SCAMP1: variants seen among roughly 807,000 people sequenced by gnomAD.
SCAMP1 encodes the protein secretory carrier-associated membrane protein 1.
In SCAMP1, 15 loss-of-function variants were observed where a neutral mutation model predicts 41.8. The ratio of observed to expected loss-of-function variants is 0.36; its 90% confidence interval spans 0.24 to 0.55. The LOEUF is 0.55. Ranked by LOEUF, SCAMP1 falls within the 20% of genes least tolerant of loss-of-function variation. The pLI, the probability that SCAMP1 is intolerant of heterozygous loss-of-function variation, is 0.86. For missense variants in SCAMP1, 341 were observed against 412.6 expected, an observed-to-expected ratio of 0.83 and a Z score of 1.50; for synonymous variants, 135 against 136.8, an observed-to-expected ratio of 0.99 and a Z score of 0.09.
At position 78,466,756 on chromosome 5, in the gene SCAMP1, T is replaced by C. The variant is rs146694219; in HGVS notation, c.852+7394T>C. Among the ~76,000 whole-genome samples, 82 of 152,284 alleles carry C rather than the reference T, an allele frequency of 5.4e-4. No individual in the cohort carries two copies. In the East Asian group the frequency reaches 0.015, roughly 28 times the overall value. On this transcript the variant is annotated intron_variant, in intron 8 of 8. Coordinates refer to ENST00000621999, the MANE Select transcript of SCAMP1 (RefSeq NM_004866.6). Reference sequence around the variant, plus strand: ...AGTAATTGAATTGATTAGATTTGAATTTTAGAAGCATTTATTCTGAAATAC... The same window carrying C: ...AGTAATTGAATTGATTAGATTTGAACTTTAGAAGCATTTATTCTGAAATAC...
At chr5:78,452,374 T>G in intron 7 of SCAMP1, among the ~76,000 whole-genome samples, 1 of 127,822 alleles carries the variant, frequency 7.8e-6, no homozygotes, top group African/African-American at 3.0e-5. Flanking sequence ...GAGTGTGATA[T>G]TCCCCTTCCT....
intron 2 of SCAMP1, among the ~76,000 whole-genome samples, chr5:78,407,188 TCTC>T (rs1347559558): frequency 2.0e-5 from 3 of 152,218 alleles, no homozygotes; most frequent in Non-Finnish European, 4.4e-5. Context: ...AAATTTTTCT[TCTC>T]CTGTCATTTT....
intron 1 of SCAMP1, among the ~76,000 whole-genome samples, chr5:78,363,364 C>T (rs1750710796): frequency 6.6e-6 from 1 of 151,854 alleles, no homozygotes; most frequent in Non-Finnish European, 1.5e-5. Context: ...AGGCGCCCGC[C>T]ACCACCGGCT....
chr5:78,443,321 C>G (rs1433423508), intron 6 of SCAMP1, among the ~76,000 whole-genome samples: 1 of 151,052 alleles, frequency 6.6e-6, no homozygotes, highest in African/African-American at 2.4e-5. Context: ...CTCTCTAAAT[C>G]TGTTTGCTTA....
At chr5:78,391,582 G>A (rs186849522) in intron 2 of SCAMP1, among the ~76,000 whole-genome samples, 2 of 152,144 alleles carry the variant, frequency 1.3e-5, no homozygotes, top group African/African-American at 4.8e-5. Context: ...AGGCAGAGAC[G>A]CTCCTCACTT....
At chr5:78,424,575 C>G (rs1212697920) in intron 6 of SCAMP1, among the ~76,000 whole-genome samples, 1 of 151,992 alleles carries the variant, frequency 6.6e-6, no homozygotes, top group Non-Finnish European at 1.5e-5. Flanking sequence ...ACTAAAAATA[C>G]AAAAAATTAG....
At chr5:78,361,848 G>A (rs1411484785) in intron 1 of SCAMP1, among the ~76,000 whole-genome samples, 1 of 152,082 alleles carries the variant, frequency 6.6e-6, no homozygotes, top group Non-Finnish European at 1.5e-5. Flanking sequence ...TTTTACTCCT[G>A]GTTTTATCTT....
chr5:78,388,102 G>T (rs1227946750), intron 1 of SCAMP1, among the ~76,000 whole-genome samples: 2 of 152,204 alleles, frequency 1.3e-5, no homozygotes, highest in Non-Finnish European at 2.9e-5. Flanking sequence ...GGATTTCCTG[G>T]TATGTTCCTG....
intron 8 of SCAMP1, among the ~76,000 whole-genome samples, chr5:78,469,934 A>AAAAAAAAG (rs1753843809): frequency 6.9e-5 from 1 of 14,490 alleles, no homozygotes; most frequent in Non-Finnish European, 1.5e-4. Flanking sequence ...AAAAAAAAAC[A>AAAAAAAAG]ACAACACAGC....
rs1340568854 is a variant in SCAMP1, at chr5:78,408,900, AT to A, written c.136-6618del. Reference sequence around the variant, plus strand: ...CAGGTGTGAGCCACCATGCCTGGCCATTGGTAGGTTTATGACTGGGAATTCT... The same window carrying A: ...CAGGTGTGAGCCACCATGCCTGGCCATGGTAGGTTTATGACTGGGAATTCT... On this transcript the variant is annotated intron_variant, in intron 2 of 8. Coordinates refer to ENST00000621999, the MANE Select transcript of SCAMP1 (RefSeq NM_004866.6). Among the ~76,000 whole-genome samples, 527 of 152,218 alleles carry A rather than the reference AT, an allele frequency of 3.5e-3. 6 individuals carry two copies. Among genetic ancestry groups the A allele is most frequent in the African/African-American group, 0.012 (510 of 41,546 alleles).
chr5:78,385,122 C>T (rs1751310980), intron 1 of SCAMP1, among the ~76,000 whole-genome samples: 1 of 152,116 alleles, frequency 6.6e-6, no homozygotes, highest in East Asian at 1.9e-4. Flanking sequence ...ATTTCAGTCT[C>T]ACTGCTTGTT....
intron 1 of SCAMP1, among the ~76,000 whole-genome samples, chr5:78,367,293 T>G (rs1175826804): frequency 6.6e-6 from 1 of 152,242 alleles, no homozygotes; most frequent in Non-Finnish European, 1.5e-5. Context: ...TGGCTTAAAA[T>G]AACAATTATT....
chr5:78,424,215 T>G (rs1752411381), intron 6 of SCAMP1, among the ~76,000 whole-genome samples: 1 of 152,166 alleles, frequency 6.6e-6, no homozygotes. Flanking sequence ...TGAATTAAAG[T>G]ATTTATAATC....
chr5:78,396,540 T>G (rs1393885105), intron 2 of SCAMP1, among the ~76,000 whole-genome samples: 4 of 152,236 alleles, frequency 2.6e-5, no homozygotes, highest in Non-Finnish European at 5.9e-5. Flanking sequence ...AGCAGTTGAT[T>G]GTATGAATCT....
Position 78,475,904 on chromosome 5 carries a change from A to C in SCAMP1, c.*236A>C. The C allele has an allele frequency of 4.1e-6, 1 of 244,132 alleles. No homozygotes were observed. The highest frequency in any genetic ancestry group is 7.8e-6 in the Non-Finnish European group (1 of 127,916). 15.1% of individuals were successfully genotyped at this position (244,132 alleles called of 1,614,324 possible). On this transcript the variant is annotated 3_prime_UTR_variant, in exon 9 of 9. Coordinates refer to ENST00000621999, the MANE Select transcript of SCAMP1 (RefSeq NM_004866.6). The stretch of plus-strand genomic sequence containing the variant: ...ATTACATGCTAAATAAATATTCTCC[A>C]TATTTTTGGGGGATGACATTCAGTG...
chr5:78,454,984 G>T (rs1248183375), intron 7 of SCAMP1, among the ~76,000 whole-genome samples: 34 of 151,222 alleles, frequency 2.2e-4, no homozygotes, highest in South Asian at 8.4e-4. Flanking sequence ...GGTGTTTGTA[G>T]TATTCTCTGA....
intron 2 of SCAMP1, among the ~76,000 whole-genome samples, chr5:78,402,275 T>C (rs1489568395): frequency 6.6e-6 from 1 of 152,116 alleles, no homozygotes; most frequent in East Asian, 1.9e-4. Flanking sequence ...CATGTGAACT[T>C]GAGAAGAATG....
chr5:78,453,510 A>C (rs2112216255), intron 7 of SCAMP1, among the ~76,000 whole-genome samples: 1 of 151,998 alleles, frequency 6.6e-6, no homozygotes, highest in Admixed American at 6.5e-5. Context: ...GTGTGGCGTT[A>C]TTTCTGAGGG....
chr5:78,394,342 A>AG (rs1751593105), intron 2 of SCAMP1, among the ~76,000 whole-genome samples: 1 of 139,426 alleles, frequency 7.2e-6, no homozygotes, highest in Non-Finnish European at 1.6e-5. Flanking sequence ...TTTTTTTTAT[A>AG]TATATATATA....
Sources: allele counts gnomAD v4.1 joint callset (sites outside exome capture counted in the v4.1 genomes callset), GRCh38; gene constraint gnomAD v4.1.1; transcripts MANE v1.5; gene names NCBI Gene and HGNC (gene_info 2026-07-23, HGNC 2026-07-21).